Variants in SVEP1 observed in about 807,000 individuals in gnomAD.
SVEP1 encodes sushi, von Willebrand factor type A, EGF and pentraxin domain containing 1.
SVEP1 carries 164 observed loss-of-function variants against 367.3 expected under a neutral mutation model. That is an observed-to-expected ratio of 0.45 (90% CI 0.39 to 0.51). The LOEUF is 0.51. SVEP1 is among the 20% of genes least tolerant of loss of function. SVEP1 has a pLI of 0.00. For synonymous variants in SVEP1, 1,666 were observed against 1,611.6 expected, an observed-to-expected ratio of 1.03 and a Z score of -0.81; for missense variants, 4,117 against 4,425.3, an observed-to-expected ratio of 0.93 and a Z score of 1.98.
At chr9:110,411,998 T>C (rs1330990321) in intron 36 of SVEP1, among the ~76,000 whole-genome samples, 3 of 152,206 alleles carry the variant, frequency 2.0e-5, no homozygotes, top group Non-Finnish European at 4.4e-5. Context: ...TCTTTGAATA[T>C]TGAGCTTATT....
At chr9:110,524,419 A>G (rs1001621314) in intron 3 of SVEP1, among the ~76,000 whole-genome samples, 10 of 152,180 alleles carry the variant, frequency 6.6e-5, no homozygotes, top group Non-Finnish European at 1.2e-4. Context: ...ACAAAATGTT[A>G]GCAAATGGAA....
Position 110,496,849 on chromosome 9 carries a change from T to C in SVEP1, c.1766A>G (p.Gln589Arg). The change falls in exon 8 of 48, where the codon CAG becomes CGG. Residue 589 changes from glutamine to arginine, a missense_variant. Physicochemically the swap from Gln to Arg is conservative, Grantham distance 43 (BLOSUM62 1). Around this residue, in one of 4 missense-constraint regions of SVEP1, gnomAD observed 2,174 missense variants for 2,494.3 expected, o/e 0.87. Transcript: ENST00000374469. ...EQQDSANVTW[Q>R]IPTAKDNSGE... ...AGAGTTGTCTTTAGCTGTTGGAATC[T>C]GCCAGGTAACATTGGCAGAATCTTG... 6.4e-7 allele frequency: 1 copy of C among 1,558,088 alleles called. No individual in the cohort carries two copies. The highest frequency in any genetic ancestry group is 1.2e-5 in the South Asian group (1 of 84,540).
intron 5 of SVEP1, among the ~76,000 whole-genome samples, chr9:110,506,086 G>T (rs1829622822): frequency 6.6e-6 from 1 of 152,082 alleles, no homozygotes; most frequent in Admixed American, 6.6e-5. Flanking sequence ...TTCTGTTCTT[G>T]TGTTAGTTTG....
intron 3 of SVEP1, among the ~76,000 whole-genome samples, chr9:110,528,841 A>C (rs2118811763): frequency 6.6e-6 from 1 of 151,706 alleles, no homozygotes; most frequent in Admixed American, 6.6e-5. Context: ...TTTTAAATTA[A>C]AATTTAAATT....
At chr9:110,555,221 GA>G (rs778890052) in intron 1 of SVEP1, among the ~76,000 whole-genome samples, 1,765 of 132,028 alleles carry the variant, frequency 0.013, 22 homozygotes, top group African/African-American at 0.032. Context: ...GAGAAGTGGG[GA>G]AAAAAAAAAA....
chr9:110,527,345 A>T (rs1215150027), intron 3 of SVEP1, among the ~76,000 whole-genome samples: 1 of 152,094 alleles, frequency 6.6e-6, no homozygotes, highest in East Asian at 1.9e-4. Context: ...TTCAAGTTAT[A>T]TCCAGAAATA....
chr9:110,446,176 T>C (rs1828595161), intron 25 of SVEP1, 138 bp from the exon 26 acceptor site: 8 of 729,192 alleles, frequency 1.1e-5, no homozygotes, highest in Admixed American at 5.8e-5. Flanking sequence ...ATTAAATACA[T>C]ATTATTTACA....
intron 3 of SVEP1, among the ~76,000 whole-genome samples, chr9:110,520,713 TAGAC>T (rs1829866072): frequency 6.6e-6 from 1 of 152,240 alleles, no homozygotes; most frequent in Non-Finnish European, 1.5e-5. Context: ...TAACATATAT[TAGAC>T]AGTGACTTAC....
intron 27 of SVEP1, among the ~76,000 whole-genome samples, chr9:110,440,259 C>T (rs1828493366): frequency 6.6e-6 from 1 of 152,188 alleles, no homozygotes; most frequent in Non-Finnish European, 1.5e-5. Context: ...CTTTTCTTCT[C>T]TTCTATATAC....
Position 110,406,622 on chromosome 9 carries a change from C to G in SVEP1, c.8978G>C (p.Gly2993Ala). 6.2e-7 allele frequency: 1 copy of G among 1,613,918 alleles called. No individual in the cohort carries two copies. The highest frequency in any genetic ancestry group is 2.2e-5 in the East Asian group (1 of 44,886). Residue 2993 changes from glycine to alanine, a missense_variant, in exon 38 of 48, where the codon GGC becomes GCC. Coordinates refer to ENST00000374469, the MANE Select transcript of SVEP1 (RefSeq NM_153366.4). ...GGAAGGTGAGCTGCCACTCCAGGAGCCATTGGAGAGGCACCTTCTTGATGA... is the reference window on the plus strand; with the variant it reads ...GGAAGGTGAGCTGCCACTCCAGGAGGCATTGGAGAGGCACCTTCTTGATGA... ...GNSSRRCLSNGSWSGSSPSCL... is the reference protein window; with the variant it reads ...GNSSRRCLSNASWSGSSPSCL...
At chr9:110,417,218 C>T (rs1828138553) in intron 36 of SVEP1, among the ~76,000 whole-genome samples, 1 of 147,992 alleles carries the variant, frequency 6.8e-6, no homozygotes, top group Admixed American at 6.7e-5. Context: ...GTTCATCTCA[C>T]TAGGGAGTGC....
At chr9:110,495,624 C>G (rs750215250) in intron 8 of SVEP1, among the ~76,000 whole-genome samples, 1 of 151,942 alleles carries the variant, frequency 6.6e-6, no homozygotes, top group Non-Finnish European at 1.5e-5. Context: ...CCCCGCCGCC[C>G]CCAGTGTATC....
intron 7 of SVEP1, among the ~76,000 whole-genome samples, chr9:110,497,397 G>A (rs181282903): frequency 2.0e-5 from 3 of 152,180 alleles, no homozygotes; most frequent in Admixed American, 1.3e-4. Flanking sequence ...ATAGCCCTCT[G>A]GATTTCCCAA....
At position 110,469,007 on chromosome 9, in the gene SVEP1, C is replaced by T. The variant is rs1361456407; in HGVS notation, c.3093G>A (p.Glu1031=). The T allele has an allele frequency of 1.9e-6, 3 of 1,613,872 alleles. No homozygotes were observed. The highest frequency in any genetic ancestry group is 2.5e-6 in the Non-Finnish European group (3 of 1,179,822). The stretch of plus-strand genomic sequence containing the variant: ...ACATCCCAGAGGGGCAAAGCTTGCA[C>T]TCAAGTTGCCCTTCTTCATCTTGAT... The part of the protein sequence containing the change: ...GSYQDEEGQL[E]CKLCPSGMYT... The change falls in exon 17 of 48, where the codon GAG becomes GAA. Residue 1031 remains glutamate, a synonymous_variant. Coordinates refer to ENST00000374469, the MANE Select transcript of SVEP1 (RefSeq NM_153366.4).
intron 3 of SVEP1, among the ~76,000 whole-genome samples, chr9:110,519,884 A>C (rs945621750): frequency 6.6e-6 from 1 of 152,120 alleles, no homozygotes; most frequent in African/African-American, 2.4e-5. Context: ...TTCTTTCACT[A>C]TAATATACAG....
Position 110,479,554 on chromosome 9 carries a change from G to T in SVEP1, c.2487+81C>A. On this transcript the variant is annotated intron_variant, in intron 13 of 47. Coordinates refer to ENST00000374469, the MANE Select transcript of SVEP1 (RefSeq NM_153366.4). ...CACAAAGAAGAGGGAAATAGGATGA[G>T]AAATCGCAGTTGTAAATGACTCAGA... 3 of 1,449,470 alleles carry T rather than the reference G, an allele frequency of 2.1e-6. No individual in the cohort carries two copies. In the East Asian group the frequency reaches 7.4e-5, roughly 36 times the overall value. 89.8% of individuals were successfully genotyped at this position (1,449,470 alleles called of 1,614,324 possible). A position where few individuals can be genotyped will look rare whatever the true frequency, so the allele number is the denominator to read the frequency against.
At chr9:110,386,213 C>T (rs1232947183) in intron 42 of SVEP1, 139 bp from the exon 43 acceptor site, 6 of 837,576 alleles carry the variant, frequency 7.2e-6, no homozygotes, top group Non-Finnish European at 8.5e-6. Context: ...GAACTCCAAA[C>T]ATTAGACACA....
chr9:110,397,218 T>C (rs1827776618), intron 40 of SVEP1, among the ~76,000 whole-genome samples: 1 of 152,032 alleles, frequency 6.6e-6, no homozygotes, highest in Non-Finnish European at 1.5e-5. Context: ...TAATCCAGCA[T>C]ATAAACAGAA....
chr9:110,551,234 C>T (rs951373382), intron 1 of SVEP1, among the ~76,000 whole-genome samples: 1 of 152,150 alleles, frequency 6.6e-6, no homozygotes, highest in African/African-American at 2.4e-5. Flanking sequence ...AGGGTGCAGA[C>T]TCACTATAAG....
Sources: allele counts gnomAD v4.1 joint callset (sites outside exome capture counted in the v4.1 genomes callset), GRCh38; gene constraint gnomAD v4.1.1; regional missense constraint gnomAD v4.1.1; transcripts MANE v1.5; gene names NCBI Gene and HGNC (gene_info 2026-07-23, HGNC 2026-07-21).